The following NSMCE1 variants were observed in gnomAD, a reference collection of about 807,000 sequenced individuals.
The protein encoded by NSMCE1 is NSE1 component of SMC5/6 complex.
Under a neutral mutation model 29.6 loss-of-function variants are expected in NSMCE1, and 18 were observed. That is an observed-to-expected ratio of 0.61 (90% CI 0.42 to 0.90). The LOEUF (loss-of-function observed/expected upper bound fraction) is 0.90. Ranked by LOEUF, NSMCE1 falls within the 40% of genes least tolerant of loss-of-function variation. The probability of loss-of-function intolerance (pLI) is 0.00; values close to 1 mark genes in which losing one functional copy is unlikely to be tolerated. For missense variants in NSMCE1, 314 were observed against 343.6 expected (o/e 0.91, Z 0.68); for synonymous variants, 124 against 133.4 (o/e 0.93, Z 0.49).
At position 27,233,124 on chromosome 16, in the gene NSMCE1, T is replaced by C; in HGVS notation, c.360A>G (p.Glu120=). ...TGTTTGTGGAAGACGCAAAGCCGGT[T>C]TCTGAGTCAATAATCAGTTCCAGCT... The part of the protein sequence containing the change: ...RKALELIIDS[E]TGFASSTNIL... The change falls in exon 5 of 8, where the codon GAA becomes GAG. Residue 120 remains glutamate (E), a synonymous_variant. Coordinates refer to ENST00000361439, the MANE Select transcript of NSMCE1 (RefSeq NM_145080.4). 6.2e-7 allele frequency: 1 copy of C among 1,613,856 alleles called. No individual in the cohort carries two copies. The highest frequency in any genetic ancestry group is 8.5e-7 in the Non-Finnish European group (1 of 1,179,948).
intron 2 of NSMCE1, among the ~76,000 whole-genome samples, chr16:27,252,310 T>C (rs1049652080): frequency 6.6e-6 from 1 of 152,150 alleles, no homozygotes; most frequent in Non-Finnish European, 1.5e-5. Context: ...ATGGAAGCAC[T>C]CGTCAACGGC....
intron 1 of NSMCE1, among the ~76,000 whole-genome samples, chr16:27,261,961 G>C (rs1348902305): frequency 6.6e-6 from 1 of 152,148 alleles, no homozygotes; most frequent in Non-Finnish European, 1.5e-5. Flanking sequence ...ATTCACACAG[G>C]GCCGAGCGCG....
chr16:27,236,329 T>A (rs1194075453), intron 2 of NSMCE1, among the ~76,000 whole-genome samples: 5 of 144,044 alleles, frequency 3.5e-5, no homozygotes, highest in Non-Finnish European at 7.5e-5. Flanking sequence ...GACAGAGTCT[T>A]GCTCTCGCCC....
At chr16:27,238,035 C>T (rs1157821406) in intron 2 of NSMCE1, among the ~76,000 whole-genome samples, 1 of 152,158 alleles carries the variant, frequency 6.6e-6, no homozygotes, top group African/African-American at 2.4e-5. Flanking sequence ...ACGGAGGCCC[C>T]GCGCCCTTGC....
chr16:27,268,753 A>T lies in NSMCE1; in HGVS notation c.-59T>A, dbSNP rs950261942. 2 of 152,824 alleles carry T rather than the reference A, an allele frequency of 1.3e-5. No homozygotes were observed. Among genetic ancestry groups the T allele is most frequent in the East Asian group, 3.8e-4 (2 of 5,204 alleles). The allele number at this position is 152,824 out of a possible 1,614,324, so 9.5% of individuals were successfully genotyped here. On this transcript the variant is annotated 5_prime_UTR_variant, in exon 1 of 8. In the 5' UTR this introduces an upstream ATG that the reference lacks. Coordinates refer to ENST00000361439, the MANE Select transcript of NSMCE1 (RefSeq NM_145080.4). ...GGCCGCGCTAGCGGATACGGTCGCA[A>T]GGTGGACTCTTCTTCCTTTGAGGCG...
intron 3 of NSMCE1, 46 bp from the exon 4 acceptor site, chr16:27,234,311 T>C: frequency 1.5e-6 from 2 of 1,318,602 alleles, no homozygotes; most frequent in Non-Finnish European, 2.2e-6. Context: ...TCTTTGCGTG[T>C]TGGTTAACGT....
chr16:27,256,609 C>T (rs2084089131), intron 2 of NSMCE1, among the ~76,000 whole-genome samples: 1 of 152,252 alleles, frequency 6.6e-6, no homozygotes, highest in African/African-American at 2.4e-5. Flanking sequence ...CATATTGGCA[C>T]ACAACTCAAC....
At chr16:27,249,900 A>T (rs1001403870) in intron 2 of NSMCE1, among the ~76,000 whole-genome samples, 3 of 152,222 alleles carry the variant, frequency 2.0e-5, no homozygotes, top group African/African-American at 7.2e-5. Context: ...TGAACATGCT[A>T]TGTCTTTCCA....
At chr16:27,258,937 G>C (rs1567284334) in intron 1 of NSMCE1, among the ~76,000 whole-genome samples, 1 of 151,886 alleles carries the variant, frequency 6.6e-6, no homozygotes, top group African/African-American at 2.4e-5. Context: ...TTTTAGTAGA[G>C]ACGGGTTTCA....
chr16:27,261,588 A>G (rs1295274060), intron 1 of NSMCE1, among the ~76,000 whole-genome samples: 1 of 152,232 alleles, frequency 6.6e-6, no homozygotes, highest in African/African-American at 2.4e-5. Context: ...ATCTTCTCAC[A>G]AAGAAAACTT....
chr16:27,235,594 T>C (rs1204754364), intron 2 of NSMCE1, among the ~76,000 whole-genome samples: 1 of 152,162 alleles, frequency 6.6e-6, no homozygotes, highest in Non-Finnish European at 1.5e-5. Flanking sequence ...TGCCTCCTGA[T>C]GAGAGTCCCA....
Position 27,236,329 on chromosome 16 carries a change from T to C in NSMCE1, c.137-1030A>G, listed in dbSNP as rs1194075453. On this transcript the variant is annotated intron_variant, in intron 2 of 7. Coordinates refer to ENST00000361439, the MANE Select transcript of NSMCE1 (RefSeq NM_145080.4). ...TTTTTTTTTTTTTGAGACAGAGTCT[T>C]GCTCTCGCCCTGGCTGGAGTGCAGT... Among the ~76,000 whole-genome samples the C allele has an allele frequency of 2.1e-5, 3 of 144,128 alleles. No homozygotes were observed. The East Asian group carries it at 6.2e-4, about 30-fold the overall frequency. 94.6% of individuals were successfully genotyped at this position (144,128 alleles called of 152,430 possible).
intron 5 of NSMCE1, among the ~76,000 whole-genome samples, chr16:27,227,787 T>TC (rs200850334): frequency 1.3e-3 from 93 of 74,358 alleles, no homozygotes; most frequent in Middle Eastern, 6.2e-3. Flanking sequence ...TCTTTTCTTT[T>TC]TTTTTTTTTT....
intron 2 of NSMCE1, among the ~76,000 whole-genome samples, chr16:27,236,910 A>G (rs1166084405): frequency 1.3e-5 from 2 of 152,160 alleles, no homozygotes; most frequent in African/African-American, 4.8e-5. Context: ...TATTAGACAG[A>G]GGCATTTCTA....
chr16:27,233,569 C>T (rs1463829555), intron 4 of NSMCE1, among the ~76,000 whole-genome samples: 2 of 152,324 alleles, frequency 1.3e-5, no homozygotes, highest in Middle Eastern at 3.4e-3. Flanking sequence ...GGAATGATTC[C>T]ACCGCCTGGT....
intron 1 of NSMCE1, among the ~76,000 whole-genome samples, chr16:27,261,655 T>C (rs1388438856): frequency 6.6e-6 from 1 of 152,088 alleles, no homozygotes; most frequent in Non-Finnish European, 1.5e-5. Flanking sequence ...ACAAATAATT[T>C]CAAATGTTAC....
At chr16:27,264,073 T>C (rs548722272) in intron 1 of NSMCE1, among the ~76,000 whole-genome samples, 18 of 152,118 alleles carry the variant, frequency 1.2e-4, no homozygotes, top group Admixed American at 3.3e-4. Context: ...TATAAAGACT[T>C]CTCATATTTG....
intron 2 of NSMCE1, among the ~76,000 whole-genome samples, chr16:27,243,807 C>T (rs374085771): frequency 1.6e-4 from 25 of 152,164 alleles, no homozygotes; most frequent in African/African-American, 4.1e-4. Context: ...CGAGCCACTA[C>T]GCTCAGCTAA....
At chr16:27,253,737 C>A (rs575448796) in intron 2 of NSMCE1, among the ~76,000 whole-genome samples, 4 of 152,294 alleles carry the variant, frequency 2.6e-5, no homozygotes, top group African/African-American at 7.2e-5. Context: ...AGCACAGAGG[C>A]CTGGCTCACT....
Sources: gnomAD v4.1 joint callset for allele counts (sites outside exome capture counted in the v4.1 genomes callset) on GRCh38, gnomAD v4.1.1 for gene constraint, MANE v1.5 for transcripts, NCBI Gene and HGNC (gene_info 2026-07-23, HGNC 2026-07-21) for gene names.